The following GRIK2 variants were observed in gnomAD, a reference collection of about 807,000 sequenced individuals.
GRIK2 encodes glutamate receptor ionotropic, kainate 2.
In GRIK2, 32 loss-of-function variants were observed where a neutral mutation model predicts 100.3. The ratio of observed to expected loss-of-function variants is 0.32; its 90% CI spans 0.24 to 0.43. GRIK2 has a LOEUF of 0.43. Among genes scored for constraint, GRIK2 ranks in the 20% least tolerant of loss-of-function variants. The probability of loss-of-function intolerance (pLI) is 1.00; values close to 1 mark genes in which losing one functional copy is unlikely to be tolerated. For missense variants in GRIK2, 843 were observed against 1,114.9 expected, an observed-to-expected ratio of 0.76 and a Z score of 3.47; for synonymous variants, 417 against 389.4, an observed-to-expected ratio of 1.07 and a Z score of -0.83.
chr6:101,753,541 GTAAC>G (rs758271211), intron 7 of GRIK2, among the ~76,000 whole-genome samples: 142 of 151,932 alleles, frequency 9.3e-4, no homozygotes, highest in African/African-American at 9.2e-4. Context: ...TCCATGAAAG[GTAAC>G]TAACTGTTTC....
At chr6:101,894,873 GA>G (rs1346986280) in intron 12 of GRIK2, among the ~76,000 whole-genome samples, 1 of 151,590 alleles carries the variant, frequency 6.6e-6, no homozygotes, top group East Asian at 1.9e-4. Context: ...TTGATGTACA[GA>G]GATGAATAAC....
chr6:101,516,967 T>C (rs7760831), intron 2 of GRIK2, among the ~76,000 whole-genome samples: 18,851 of 152,134 alleles, frequency 0.12, 1,344 homozygotes, highest in African/African-American at 0.19. Context: ...CAGCTAGACT[T>C]CTTTCATGGA....
chr6:101,706,482 TATC>T (rs1328820795), intron 7 of GRIK2, among the ~76,000 whole-genome samples: 4 of 151,946 alleles, frequency 2.6e-5, no homozygotes, highest in African/African-American at 7.2e-5. Flanking sequence ...TAGGTGTATA[TATC>T]ATCAAATATT....
At chr6:101,889,570 G>A in intron 11 of GRIK2, 70 bp from the exon 12 acceptor site, 1 of 829,016 alleles carries the variant, frequency 1.2e-6, no homozygotes, top group Non-Finnish European at 1.9e-6. Flanking sequence ...TTTTTCTTGT[G>A]ACTGAAAATC....
intron 2 of GRIK2, among the ~76,000 whole-genome samples, chr6:101,541,425 C>A (rs1775990235): frequency 4.9e-5 from 3 of 60,836 alleles, no homozygotes; most frequent in African/African-American, 2.0e-4. Context: ...CACATACACA[C>A]ACACTACACC....
At chr6:101,476,054 TTTTG>T (rs920440983) in intron 2 of GRIK2, among the ~76,000 whole-genome samples, 7 of 152,086 alleles carry the variant, frequency 4.6e-5, no homozygotes, top group Non-Finnish European at 1.0e-4. Flanking sequence ...TCAAATTTTG[TTTTG>T]TTTTAGTGAG....
intron 12 of GRIK2, among the ~76,000 whole-genome samples, chr6:101,904,399 G>T (rs898319824): frequency 6.6e-6 from 1 of 151,198 alleles, no homozygotes; most frequent in Non-Finnish European, 1.5e-5. Context: ...CAACATCATT[G>T]CTTCAATTTT....
At chr6:101,975,266 T>C (rs765297252) in intron 14 of GRIK2, among the ~76,000 whole-genome samples, 2 of 151,898 alleles carry the variant, frequency 1.3e-5, no homozygotes, top group South Asian at 2.1e-4. Flanking sequence ...TTGGTGTTGT[T>C]AACTCAAGTA....
intron 2 of GRIK2, among the ~76,000 whole-genome samples, chr6:101,578,793 G>A (rs1255719930): frequency 6.6e-6 from 1 of 152,220 alleles, no homozygotes; most frequent in South Asian, 2.1e-4. Context: ...TGTTGTTGAT[G>A]TCCTACATTC....
chr6:101,576,092 G>T (rs950976835), intron 2 of GRIK2, among the ~76,000 whole-genome samples: 3 of 152,114 alleles, frequency 2.0e-5, no homozygotes, highest in African/African-American at 4.8e-5. Context: ...ATGATATTAT[G>T]ATAGGATATT....
chr6:101,712,856 A>G (rs1773811897), intron 7 of GRIK2, among the ~76,000 whole-genome samples: 1 of 151,804 alleles, frequency 6.6e-6, no homozygotes, highest in South Asian at 2.1e-4. Flanking sequence ...ATTCCACACA[A>G]AGGCACAATC....
intron 11 of GRIK2, among the ~76,000 whole-genome samples, chr6:101,866,034 T>G (rs1785036888): frequency 6.6e-6 from 1 of 152,100 alleles, no homozygotes; most frequent in Admixed American, 6.5e-5. Flanking sequence ...AAATCACAAG[T>G]ATAAATTTAT....
intron 4 of GRIK2, among the ~76,000 whole-genome samples, chr6:101,635,370 A>T (rs1163744740): frequency 6.6e-6 from 1 of 152,172 alleles, no homozygotes; most frequent in Non-Finnish European, 1.5e-5. Context: ...TGGATTAAAG[A>T]CTTAAACGTA....
intron 14 of GRIK2, among the ~76,000 whole-genome samples, chr6:101,987,759 C>T (rs1238993132): frequency 6.6e-6 from 1 of 151,106 alleles, no homozygotes; most frequent in Non-Finnish European, 1.5e-5. Flanking sequence ...AGATTTGTAA[C>T]ATTTGTAATA....
intron 4 of GRIK2, among the ~76,000 whole-genome samples, chr6:101,653,528 T>G (rs1781917138): frequency 6.6e-6 from 1 of 152,136 alleles, no homozygotes; most frequent in Non-Finnish European, 1.5e-5. Context: ...GTGCATTAAG[T>G]TCCCTCTGCC....
At chr6:101,761,771 C>CCCTCCCTCCCTA (rs1777690246) in intron 7 of GRIK2, among the ~76,000 whole-genome samples, 1 of 129,386 alleles carries the variant, frequency 7.7e-6, no homozygotes, top group South Asian at 3.3e-4. Flanking sequence ...GCCCCCATTT[C>CCCTCCCTCCCTA]CCTCCCTCCC....
intron 7 of GRIK2, among the ~76,000 whole-genome samples, chr6:101,720,026 T>C (rs1047518045): frequency 1.3e-5 from 2 of 152,084 alleles, no homozygotes; most frequent in African/African-American, 2.4e-5. Context: ...CACTCATTCA[T>C]TTTAAGAAAA....
intron 2 of GRIK2, among the ~76,000 whole-genome samples, chr6:101,402,364 C>CG (rs1775359708): frequency 6.6e-6 from 1 of 152,190 alleles, no homozygotes; most frequent in African/African-American, 2.4e-5. Flanking sequence ...CTCAAGAAAA[C>CG]TTTGCAGTTA....
At chr6:101,490,109 T>G (rs1245703857) in intron 2 of GRIK2, among the ~76,000 whole-genome samples, 1 of 146,388 alleles carries the variant, frequency 6.8e-6, no homozygotes, top group African/African-American at 2.6e-5. Context: ...TTTACAACAA[T>G]TTTTTACTCT....
Sources: gnomAD v4.1 joint callset for allele counts (sites outside exome capture counted in the v4.1 genomes callset) on GRCh38, gnomAD v4.1.1 for gene constraint, MANE v1.5 for transcripts, NCBI Gene and HGNC (gene_info 2026-07-23, HGNC 2026-07-21) for gene names.